Variants in SPECC1 observed in about 807,000 individuals in gnomAD.
SPECC1 encodes the protein cytospin-B.
Under a neutral mutation model 104.1 loss-of-function variants are expected in SPECC1, and 62 were observed. That is an observed-to-expected ratio of 0.60 (90% CI 0.49 to 0.74). The LOEUF is 0.74. SPECC1 is among the 30% of genes least tolerant of loss of function. The pLI is 0.00. For synonymous variants in SPECC1, 513 were observed against 501.6 expected (o/e 1.02, Z -0.30); for missense variants, 1,306 against 1,310.5 (o/e 1.00, Z 0.05).
intron 12 of SPECC1, 37 bp from the exon 13 acceptor site, chr17:20,296,924 A>C (rs1219757408): frequency 6.3e-7 from 1 of 1,588,622 alleles, no homozygotes; most frequent in African/African-American, 1.3e-5. Context: ...CACAGTTTGC[A>C]ATAGTTCTTG....
At chr17:20,069,435 T>C (rs1312049744) in intron 1 of SPECC1, among the ~76,000 whole-genome samples, 3 of 152,204 alleles carry the variant, frequency 2.0e-5, no homozygotes, top group Non-Finnish European at 4.4e-5. Context: ...CTGTCTAATA[T>C]AGTCATGAAG....
chr17:20,317,259 A>ATTTTTTTTTTTTTTTT lies in SPECC1; in HGVS notation c.*3200_*3215dup, dbSNP rs762643888. ...GCAAGACCTCTGACTCTATAAAAAA[A>ATTTTTTTTTTTTTTTT]TTTTTTTTTTTTTTTTTTTTTGAGA... On this transcript the variant is annotated 3_prime_UTR_variant, in exon 15 of 15. Coordinates refer to ENST00000395527, the MANE Select transcript of SPECC1 (RefSeq NM_001243439.2). 8,159 of 69,152 alleles carry ATTTTTTTTTTTTTTTT rather than the reference A, an allele frequency of 0.12. 1,511 individuals are homozygous for ATTTTTTTTTTTTTTTT. Among genetic ancestry groups the ATTTTTTTTTTTTTTTT allele is most frequent in the East Asian group, 0.3 (371 of 1,254 alleles). The allele number at this position is 69,152 out of a possible 1,614,324, so 4.3% of individuals were successfully genotyped here.
At chr17:20,271,493 G>T (rs957669051) in intron 12 of SPECC1, among the ~76,000 whole-genome samples, 1 of 151,952 alleles carries the variant, frequency 6.6e-6, no homozygotes, top group Non-Finnish European at 1.5e-5. Context: ...CCTGTTACTT[G>T]CCTTACACTT....
chr17:20,156,563 G>C (rs1360321594), intron 3 of SPECC1, among the ~76,000 whole-genome samples: 6 of 152,132 alleles, frequency 3.9e-5, no homozygotes, highest in Admixed American at 3.9e-4. Context: ...GGCCGCCCTC[G>C]GACTTTCCGG....
intron 1 of SPECC1, among the ~76,000 whole-genome samples, chr17:20,082,017 G>C (rs955078700): frequency 3.9e-5 from 6 of 152,304 alleles, no homozygotes; most frequent in Admixed American, 3.3e-4. Context: ...ACAGGGAAAA[G>C]GCACCCTCAA....
At chr17:20,113,506 G>A (rs987700919) in intron 3 of SPECC1, among the ~76,000 whole-genome samples, 1 of 152,164 alleles carries the variant, frequency 6.6e-6, no homozygotes, top group Non-Finnish European at 1.5e-5. Flanking sequence ...ACTTGTCACA[G>A]CATATGAATA....
intron 1 of SPECC1, among the ~76,000 whole-genome samples, chr17:20,035,430 C>T (rs373156871): frequency 3.6e-4 from 55 of 152,104 alleles, no homozygotes; most frequent in Non-Finnish European, 6.8e-4. Flanking sequence ...GTATATTTCA[C>T]GCTATTTAAG....
At chr17:20,215,262 A>T (rs1209575503) in intron 4 of SPECC1, among the ~76,000 whole-genome samples, 7 of 152,204 alleles carry the variant, frequency 4.6e-5, no homozygotes, top group African/African-American at 1.7e-4. Flanking sequence ...GTGTCAGAGG[A>T]GGTTGCGACT....
At chr17:20,058,767 C>T (rs932706389) in intron 1 of SPECC1, among the ~76,000 whole-genome samples, 22 of 151,496 alleles carry the variant, frequency 1.5e-4, no homozygotes, top group African/African-American at 5.1e-4. Flanking sequence ...AGAATTTTTC[C>T]GTGAACTGGG....
At chr17:20,024,086 ATATGT>A (rs2044505937) in intron 1 of SPECC1, among the ~76,000 whole-genome samples, 1 of 152,220 alleles carries the variant, frequency 6.6e-6, no homozygotes, top group Admixed American at 6.5e-5. Flanking sequence ...CTATTAGGAC[ATATGT>A]TAGTTTAATA....
chr17:20,156,118 G>C lies in SPECC1; in HGVS notation c.283+45556G>C, dbSNP rs988624973. 15 of 1,374,406 alleles carry C rather than the reference G, an allele frequency of 1.1e-5. No individual in the cohort carries two copies. The African/African-American group carries it at 2.3e-4, about 21-fold the overall frequency. The allele number at this position is 1,374,406 out of a possible 1,614,324, so 85.1% of individuals were successfully genotyped here. The stretch of plus-strand genomic sequence containing the variant: ...CCCGCCGGACGCAACCGCCTCGCCA[G>C]CCGGAGCCAGCGCGAGCTCGGCACG... On this transcript the variant is annotated intron_variant, in intron 3 of 14. Coordinates refer to ENST00000395527, the MANE Select transcript of SPECC1 (RefSeq NM_001243439.2).
rs79440155 is a variant in SPECC1 at position 20,103,355 on chromosome 17, G to A, written c.147+6557G>A. Among the ~76,000 whole-genome samples the A allele has an allele frequency of 2.6e-3, 395 of 152,304 alleles. 12 individuals carry two copies. The East Asian group carries it at 0.073, about 28-fold the overall frequency. On this transcript the variant is annotated intron_variant, in intron 2 of 14. Coordinates refer to ENST00000395527, the MANE Select transcript of SPECC1 (RefSeq NM_001243439.2). ...TCTGCAGCTTAGTGCTGTCCTCAGT[G>A]TGTTCTGTGTGGTTATATGGGAACC...
chr17:20,099,300 A>G (rs1267399769), intron 2 of SPECC1, among the ~76,000 whole-genome samples: 1 of 152,102 alleles, frequency 6.6e-6, no homozygotes, highest in Non-Finnish European at 1.5e-5. Flanking sequence ...AGCAACATAT[A>G]AACTTAGATT....
At chr17:20,047,475 G>C (rs965943084) in intron 1 of SPECC1, among the ~76,000 whole-genome samples, 4 of 152,192 alleles carry the variant, frequency 2.6e-5, no homozygotes, top group Admixed American at 6.5e-5. Flanking sequence ...TCAAGCTATA[G>C]ATTCAGTTAC....
At chr17:20,048,737 A>G (rs1200599877) in intron 1 of SPECC1, among the ~76,000 whole-genome samples, 6 of 151,692 alleles carry the variant, frequency 4.0e-5, no homozygotes, top group African/African-American at 7.3e-5. Context: ...GAGACCCTGT[A>G]TATACAAAAA....
At chr17:20,155,851 G>A (rs1196701148) in intron 3 of SPECC1, 3 of 979,570 alleles carry the variant, frequency 3.1e-6, no homozygotes, top group Non-Finnish European at 3.8e-6. Context: ...GGGGCCTTCT[G>A]GCAGCCAAGA....
At chr17:20,251,043 A>T (rs1032423539) in intron 9 of SPECC1, among the ~76,000 whole-genome samples, 1 of 152,000 alleles carries the variant, frequency 6.6e-6, no homozygotes, top group African/African-American at 2.4e-5. Flanking sequence ...TCTGGTCACC[A>T]TGGCGAAACC....
chr17:20,042,176 TG>T (rs1454569264), intron 1 of SPECC1, among the ~76,000 whole-genome samples: 3 of 152,208 alleles, frequency 2.0e-5, no homozygotes, highest in East Asian at 3.9e-4. Flanking sequence ...TACTTCTAGA[TG>T]GGGGTAAATA....
intron 3 of SPECC1, among the ~76,000 whole-genome samples, chr17:20,162,435 C>A (rs914430879): frequency 6.6e-6 from 1 of 152,042 alleles, no homozygotes; most frequent in African/African-American, 2.4e-5. Context: ...CGTGAGCCAC[C>A]GCGCCCGGCC....
Sources: allele counts gnomAD v4.1 joint callset (sites outside exome capture counted in the v4.1 genomes callset), GRCh38; gene constraint gnomAD v4.1.1; transcripts MANE v1.5; gene names NCBI Gene and HGNC (gene_info 2026-07-23, HGNC 2026-07-21).